Variants in PIBF1 observed in about 807,000 individuals in gnomAD.
PIBF1 encodes progesterone-induced-blocking factor 1.
In PIBF1, 90 loss-of-function variants were observed where a neutral mutation model predicts 112.5. The ratio of observed to expected loss-of-function variants is 0.80; its 90% CI spans 0.67 to 0.95. The LOEUF (loss-of-function observed/expected upper bound fraction) is 0.95, where lower values mean the gene tolerates loss of function less well. Ranked by LOEUF, PIBF1 falls within the 40% of genes least tolerant of loss-of-function variation. The pLI is 0.00. For missense variants in PIBF1, 915 were observed against 852.3 expected (o/e 1.07, Z -0.92); for synonymous variants, 301 against 288.6 (o/e 1.04, Z -0.44).
intron 10 of PIBF1, among the ~76,000 whole-genome samples, chr13:72,891,438 T>C (rs1233524562): frequency 6.6e-6 from 1 of 152,132 alleles, no homozygotes; most frequent in East Asian, 1.9e-4. Flanking sequence ...ACAACTTGCC[T>C]CAAAGAGTAC....
chr13:72,881,570 G>T (rs1323996567), intron 10 of PIBF1, among the ~76,000 whole-genome samples: 2 of 151,924 alleles, frequency 1.3e-5, no homozygotes, highest in Non-Finnish European at 2.9e-5. Context: ...ACAAAAATTA[G>T]CCAGGCGTGG....
chr13:72,846,192 T>TCCC (rs1457495123), intron 9 of PIBF1, among the ~76,000 whole-genome samples: 1 of 152,098 alleles, frequency 6.6e-6, no homozygotes, highest in Non-Finnish European at 1.5e-5. Flanking sequence ...CCATTCTACC[T>TCCC]CCCAATTCTG....
chr13:72,891,636 G>A (rs1040313665), intron 10 of PIBF1, among the ~76,000 whole-genome samples: 1 of 151,998 alleles, frequency 6.6e-6, no homozygotes, highest in Non-Finnish European at 1.5e-5. Context: ...AACCCTGTTG[G>A]AAAAAAGTTG....
At chr13:72,986,013 A>T (rs1438882633) in intron 16 of PIBF1, among the ~76,000 whole-genome samples, 2 of 151,998 alleles carry the variant, frequency 1.3e-5, no homozygotes, top group African/African-American at 4.8e-5. Context: ...AAAATAAATA[A>T]TTAGCTAGAT....
intron 10 of PIBF1, among the ~76,000 whole-genome samples, chr13:72,874,677 G>C (rs1395939019): frequency 6.6e-6 from 1 of 152,126 alleles, no homozygotes; most frequent in Non-Finnish European, 1.5e-5. Flanking sequence ...AACAGTTGTT[G>C]AAACTTATGA....
At chr13:72,895,060 G>C (rs1265509256) in intron 11 of PIBF1, among the ~76,000 whole-genome samples, 11 of 151,726 alleles carry the variant, frequency 7.2e-5, no homozygotes, top group Admixed American at 2.6e-4. Flanking sequence ...GGAGGTCGAG[G>C]CCACAGTGAG....
chr13:72,959,182 G>C (rs2042538547), intron 14 of PIBF1, among the ~76,000 whole-genome samples: 1 of 145,610 alleles, frequency 6.9e-6, no homozygotes, highest in African/African-American at 2.8e-5. Context: ...TTTTAGTAGA[G>C]ACGGGGTTTT....
Position 72,854,143 on chromosome 13 carries a change from A to G in PIBF1, c.1310A>G (p.Gln437Arg), listed in dbSNP as rs1428323339. Residue 437 changes from glutamine to arginine, a missense_variant, in exon 10 of 18, where the codon CAG becomes CGG. By Grantham distance (43) the Gln-to-Arg change is conservative. Transcript: ENST00000326291. ...AEKDALEKHD[Q>R]LLDRYRELQL... ...AAGGATGCTTTAGAAAAACACGATC[A>G]GCTCTTAGACAGGTAAGCATCATAA... 1 of 1,603,066 alleles carries G rather than the reference A, an allele frequency of 6.2e-7. No homozygotes were observed. Among genetic ancestry groups the G allele is most frequent in the Non-Finnish European group, 8.5e-7 (1 of 1,169,914 alleles).
In PIBF1 at chr13:72,908,573, A is replaced by G; in HGVS notation, c.1531A>G (p.Lys511Glu). The change falls in exon 12 of 18, where the codon AAA becomes GAA. Residue 511 changes from lysine to glutamate, a missense_variant. Physicochemically the swap from Lys to Glu is moderately conservative, Grantham distance 56 (BLOSUM62 1). Transcript: ENST00000326291. ...TTATAGTCTCCAAGCCTCTTCTGAA[A>G]AACGCATTACTGAACTTCAAGCACA... Reference protein sequence around the residue: ...EFYSLQASSEKRITELQAQNS... With the variant: ...EFYSLQASSEERITELQAQNS... The G allele has an allele frequency of 6.2e-7, 1 of 1,612,854 alleles. No individual in the cohort carries two copies. The highest frequency in any genetic ancestry group is 8.5e-7 in the Non-Finnish European group (1 of 1,179,160).
chr13:72,947,612 C>T (rs1414194978), intron 14 of PIBF1, among the ~76,000 whole-genome samples: 3 of 152,164 alleles, frequency 2.0e-5, no homozygotes, highest in Non-Finnish European at 2.9e-5. Flanking sequence ...CTCTTGAATG[C>T]TTTGCCTCTT....
intron 3 of PIBF1, among the ~76,000 whole-genome samples, chr13:72,792,934 G>A (rs1405686664): frequency 2.0e-5 from 3 of 152,094 alleles, no homozygotes; most frequent in African/African-American, 7.2e-5. Context: ...GGCTTATCAT[G>A]CTTAAATATG....
intron 10 of PIBF1, among the ~76,000 whole-genome samples, chr13:72,885,783 G>A (rs578038526): frequency 6.6e-6 from 1 of 152,184 alleles, no homozygotes; most frequent in Non-Finnish European, 1.5e-5. Flanking sequence ...TGATTCTGAT[G>A]GTCCTCCCTG....
At chr13:72,835,782 T>C (rs2037328898) in intron 9 of PIBF1, among the ~76,000 whole-genome samples, 1 of 152,168 alleles carries the variant, frequency 6.6e-6, no homozygotes, top group African/African-American at 2.4e-5. Flanking sequence ...CTCCGAAAGA[T>C]GTCGTATTAG....
intron 5 of PIBF1, among the ~76,000 whole-genome samples, chr13:72,809,914 G>A (rs1195857676): frequency 1.3e-5 from 2 of 152,082 alleles, no homozygotes; most frequent in African/African-American, 4.8e-5. Flanking sequence ...ACCTTTAAAA[G>A]GAAATTACTC....
chr13:72,889,817 G>T (rs2039990446), intron 10 of PIBF1, among the ~76,000 whole-genome samples: 1 of 152,132 alleles, frequency 6.6e-6, no homozygotes, highest in South Asian at 2.1e-4. Context: ...CCTCACCACT[G>T]AGTTTTAGTA....
chr13:72,822,056 ACAAT>A, intron 6 of PIBF1, 74 bp downstream of exon 6: 1 of 1,329,240 alleles, frequency 7.5e-7, no homozygotes, highest in Non-Finnish European at 1.0e-6. Context: ...GTTTTTACCA[ACAAT>A]CAGTTGTTAA....
chr13:72,889,562 G>A (rs1594130523), intron 10 of PIBF1, among the ~76,000 whole-genome samples: 1 of 152,214 alleles, frequency 6.6e-6, no homozygotes, highest in East Asian at 1.9e-4. Context: ...CCTAATAACT[G>A]AATACTAAAA....
intron 15 of PIBF1, among the ~76,000 whole-genome samples, chr13:72,971,843 A>G (rs145893973): frequency 5.3e-4 from 80 of 152,146 alleles, no homozygotes; most frequent in African/African-American, 1.9e-3. Flanking sequence ...TCAGAGGACA[A>G]ACTATGATGC....
At chr13:72,947,544 G>A (rs1485642125) in intron 14 of PIBF1, among the ~76,000 whole-genome samples, 1 of 152,160 alleles carries the variant, frequency 6.6e-6, no homozygotes, top group Non-Finnish European at 1.5e-5. Flanking sequence ...AGAAAATGAG[G>A]TTTTCTTTTC....
Sources: allele counts gnomAD v4.1 joint callset (sites outside exome capture counted in the v4.1 genomes callset), GRCh38; gene constraint gnomAD v4.1.1; transcripts MANE v1.5; gene names NCBI Gene and HGNC (gene_info 2026-07-23, HGNC 2026-07-21).